The following SRGAP3 variants were observed in gnomAD, a reference collection of about 807,000 sequenced individuals.
SRGAP3 encodes SLIT-ROBO Rho GTPase activating protein 3.
Under a neutral mutation model 121.1 loss-of-function variants are expected in SRGAP3, and 39 were observed. That is an observed-to-expected ratio of 0.32 (90% CI 0.25 to 0.42). The LOEUF (loss-of-function observed/expected upper bound fraction) is 0.42, where lower values mean the gene tolerates loss of function less well. Ranked by LOEUF, SRGAP3 falls within the 10% of genes least tolerant of loss-of-function variation. The pLI is 1.00. For synonymous variants in SRGAP3, 601 were observed against 570.0 expected (o/e 1.05, Z -0.77); for missense variants, 1,213 against 1,470.6 (o/e 0.82, Z 2.86).
chr3:9,061,551 T>C (rs1464922327), intron 5 of SRGAP3, among the ~76,000 whole-genome samples: 2 of 152,194 alleles, frequency 1.3e-5, no homozygotes, highest in Non-Finnish European at 2.9e-5. Context: ...TAATAAGCAC[T>C]TCCACCACCT....
chr3:9,344,445 C>T (rs900427837), intron 1 of SRGAP3, among the ~76,000 whole-genome samples: 25 of 151,668 alleles, frequency 1.6e-4, no homozygotes, highest in Admixed American at 7.2e-4. Flanking sequence ...ACAGAGACTC[C>T]GTCTCAAAAA....
intron 1 of SRGAP3, among the ~76,000 whole-genome samples, chr3:9,223,257 C>A (rs1405280457): frequency 6.6e-6 from 1 of 152,154 alleles, no homozygotes; most frequent in Non-Finnish European, 1.5e-5. Flanking sequence ...ACAACAAAGA[C>A]CATATGGCCC....
chr3:9,295,561 C>T (rs966944017), intron 3 of SRGAP3, among the ~76,000 whole-genome samples: 1 of 152,154 alleles, frequency 6.6e-6, no homozygotes, highest in Admixed American at 6.5e-5. Context: ...GACATACAGA[C>T]AAGGAAAATG....
chr3:9,080,253 G>A (rs899436836), intron 3 of SRGAP3, among the ~76,000 whole-genome samples, 166 bp from the exon 4 acceptor site: 4 of 152,194 alleles, frequency 2.6e-5, no homozygotes, highest in African/African-American at 9.6e-5. Context: ...CCTCAACTAT[G>A]TCCATGAAAC....
At position 8,985,093 on chromosome 3, in the gene SRGAP3, AAT is replaced by A. The variant is rs139699619; in HGVS notation, c.*424_*425del. On this transcript the variant is annotated 3_prime_UTR_variant, in exon 22 of 22. Transcript: ENST00000383836. The surrounding 1 kb of genome is among the most constrained non-coding windows in gnomAD (Gnocchi z 5.1). ...TCTAGTATATGTATATAGATGCATA[AAT>A]ATATATATATATACACACACCTACA... The A allele has an allele frequency of 0.01, 2,291 of 221,770 alleles. No homozygotes were observed. Among genetic ancestry groups the A allele is most frequent in the East Asian group, 0.016 (219 of 13,686 alleles). 13.7% of individuals were successfully genotyped at this position (221,770 alleles called of 1,614,324 possible).
At chr3:9,171,272 T>G (rs186649607) in intron 1 of SRGAP3, among the ~76,000 whole-genome samples, 3 of 152,364 alleles carry the variant, frequency 2.0e-5, no homozygotes, top group African/African-American at 7.2e-5. Flanking sequence ...ACATCCAATC[T>G]GCTCCAAGTT....
chr3:9,191,151 C>T (rs1951742515), intron 1 of SRGAP3, among the ~76,000 whole-genome samples: 1 of 152,036 alleles, frequency 6.6e-6, no homozygotes, highest in Admixed American at 6.5e-5. Context: ...TGTGGAGTCG[C>T]CCTCATTCAC....
At chr3:9,347,831 G>A (rs1163465342) in intron 1 of SRGAP3, among the ~76,000 whole-genome samples, 1 of 152,212 alleles carries the variant, frequency 6.6e-6, no homozygotes, top group African/African-American at 2.4e-5. Flanking sequence ...CTTCGACAGG[G>A]ATTCTGTAAT....
Position 9,016,692 on chromosome 3 carries a change from C to T in SRGAP3, c.1679-961G>A, listed in dbSNP as rs189883230. On this transcript the variant is annotated intron_variant, in intron 14 of 21. Coordinates refer to ENST00000383836, the MANE Select transcript of SRGAP3 (RefSeq NM_014850.4). ...GAGACGACCGTGTGCATGTAGTGCC[C>T]AACATGTTTCACCCAATGGTTTTAG... is the stretch of plus-strand genomic sequence containing the variant. 7.1e-3 allele frequency among the ~76,000 whole-genome samples: 1,074 copies of T among 152,248 alleles called. 5 individuals are homozygous for T. Among genetic ancestry groups the T allele is most frequent in the Middle Eastern group, 0.037 (11 of 294 alleles).
intron 3 of SRGAP3, among the ~76,000 whole-genome samples, chr3:9,324,950 C>CCAT (rs1199396098): frequency 6.6e-6 from 1 of 151,178 alleles, no homozygotes; most frequent in African/African-American, 2.4e-5. Flanking sequence ...GAGCCAGACT[C>CCAT]CATCTCAAAA....
intron 3 of SRGAP3, among the ~76,000 whole-genome samples, chr3:9,297,740 G>A (rs2648564): frequency 0.96 from 145,470 of 152,076 alleles, 69,616 homozygotes; most frequent in East Asian, 1. Flanking sequence ...TACTAAAAAT[G>A]CAAAAATTAG....
rs1240146340 is a variant in SRGAP3, at chr3:9,125,106, C to T, written c.68-189G>A. The T allele has an allele frequency of 1.0e-5, 7 of 672,946 alleles. No individual in the cohort carries two copies. In the Admixed American group the frequency reaches 1.1e-4, roughly 11 times the overall value. The allele number at this position is 672,946 out of a possible 1,614,324, so 41.7% of individuals were successfully genotyped here. The stretch of plus-strand genomic sequence containing the variant: ...TTGGCACAAAGATTTCTCTCTTGCT[C>T]GTTTTTGCCATTGATCTAACCAAAA... On this transcript the variant is annotated intron_variant, in intron 1 of 21. Transcript: ENST00000383836.
At chr3:9,358,487 G>T (rs555063894) in intron 1 of SRGAP3, among the ~76,000 whole-genome samples, 1 of 152,264 alleles carries the variant, frequency 6.6e-6, no homozygotes, top group South Asian at 2.1e-4. Flanking sequence ...AGACTTCTGG[G>T]ACCCCAAAAT....
chr3:9,208,863 C>G (rs1952350391), intron 1 of SRGAP3, among the ~76,000 whole-genome samples: 1 of 152,200 alleles, frequency 6.6e-6, no homozygotes, highest in South Asian at 2.1e-4. Context: ...CTATCTCCAG[C>G]GTTATTGCAA....
At chr3:9,147,332 A>G (rs1950058529) in intron 1 of SRGAP3, among the ~76,000 whole-genome samples, 1 of 152,170 alleles carries the variant, frequency 6.6e-6, no homozygotes, top group Non-Finnish European at 1.5e-5. Flanking sequence ...CAGTAGGCTC[A>G]AGGGTTGATC....
chr3:9,144,769 T>A (rs983998237), intron 1 of SRGAP3, among the ~76,000 whole-genome samples: 2 of 152,240 alleles, frequency 1.3e-5, no homozygotes, highest in African/African-American at 4.8e-5. Flanking sequence ...GTCTCAGGTA[T>A]GTCTTTTCAG....
intron 4 of SRGAP3, among the ~76,000 whole-genome samples, chr3:9,078,390 G>A (rs745802163): frequency 2.0e-4 from 30 of 152,014 alleles, no homozygotes; most frequent in Non-Finnish European, 3.1e-4. Context: ...AGCCAAACTC[G>A]CTGCAGAATT....
At chr3:9,102,943 G>C (rs1948275553) in intron 3 of SRGAP3, among the ~76,000 whole-genome samples, 3 of 152,316 alleles carry the variant, frequency 2.0e-5, no homozygotes, top group African/African-American at 7.2e-5. Context: ...GCGGGGGCTG[G>C]GAATGGGACC....
At chr3:9,296,300 C>T (rs189643825) in intron 3 of SRGAP3, among the ~76,000 whole-genome samples, 142 of 152,294 alleles carry the variant, frequency 9.3e-4, no homozygotes, top group African/African-American at 3.2e-3. Flanking sequence ...CAGGCCAATG[C>T]TTATTGTTTT....
Sources: gnomAD v4.1 joint callset for allele counts (sites outside exome capture counted in the v4.1 genomes callset) on GRCh38, gnomAD v4.1.1 for gene constraint, Gnocchi (gnomAD v3.1) non-coding constraint, MANE v1.5 for transcripts, NCBI Gene and HGNC (gene_info 2026-07-23, HGNC 2026-07-21) for gene names.